CEP170: variants seen among roughly 807,000 people sequenced by gnomAD.
The protein encoded by CEP170 is centrosomal protein of 170 kDa.
Under a neutral mutation model 151.9 loss-of-function variants are expected in CEP170, and 21 were observed. The ratio of observed to expected loss-of-function variants is 0.14; its 90% CI spans 0.10 to 0.20. The LOEUF (loss-of-function observed/expected upper bound fraction) is 0.20. CEP170 is among the 10% of genes least tolerant of loss of function. The pLI is 1.00. For missense variants in CEP170, 964 were observed against 1,892.9 expected (o/e 0.51, Z 9.11); for synonymous variants, 356 against 648.8 (o/e 0.55, Z 6.86).
intron 1 of CEP170, among the ~76,000 whole-genome samples, chr1:243,239,396 T>C (rs538642923): frequency 6.6e-6 from 1 of 152,296 alleles, no homozygotes; most frequent in African/African-American, 2.4e-5. Context: ...GCAGAACTCT[T>C]TTACCTGAAT....
rs533335257 is a variant in CEP170 at position 243,200,958 on chromosome 1, C to T, written c.275-123G>A. Reference sequence around the variant, plus strand: ...TAACTACAGCAGAATTATTATATTTCCCCTGAATAGTTAAATATTAAAATA... The same window carrying T: ...TAACTACAGCAGAATTATTATATTTTCCCTGAATAGTTAAATATTAAAATA... On this transcript the variant is annotated intron_variant, in intron 4 of 19. Coordinates refer to ENST00000366542, the MANE Select transcript of CEP170 (RefSeq NM_014812.3). 16 of 945,646 alleles carry T rather than the reference C, an allele frequency of 1.7e-5. No individual in the cohort carries two copies. The South Asian group carries it at 3.1e-4, about 18-fold the overall frequency. 58.6% of individuals were successfully genotyped at this position (945,646 alleles called of 1,614,324 possible).
intron 1 of CEP170, among the ~76,000 whole-genome samples, chr1:243,236,291 G>A: frequency 6.6e-6 from 1 of 152,102 alleles, no homozygotes; most frequent in East Asian, 1.9e-4. Context: ...TATCTCCTTT[G>A]TATTTTTCTT....
chr1:243,130,322 T>C (rs2054250374), intron 17 of CEP170, among the ~76,000 whole-genome samples: 1 of 152,192 alleles, frequency 6.6e-6, no homozygotes, highest in Non-Finnish European at 1.5e-5. Flanking sequence ...TGTGCTTTTC[T>C]TTAACAATTG....
chr1:243,152,906 A>AATG (rs2057241558), intron 14 of CEP170, among the ~76,000 whole-genome samples: 1 of 152,238 alleles, frequency 6.6e-6, no homozygotes, highest in African/African-American at 2.4e-5. Context: ...TGTCATAGGT[A>AATG]ATGATTCCTC....
At chr1:243,220,783 A>G (rs193016375) in intron 3 of CEP170, among the ~76,000 whole-genome samples, 1 of 152,358 alleles carries the variant, frequency 6.6e-6, no homozygotes, top group Admixed American at 6.5e-5. Flanking sequence ...TCAATACTTC[A>G]GCACTCTTTT....
chr1:243,203,252 A>G (rs1406144964), intron 4 of CEP170, among the ~76,000 whole-genome samples: 1 of 152,214 alleles, frequency 6.6e-6, no homozygotes. Context: ...AACGCATGAT[A>G]TCAGTAAGTT....
chr1:243,198,065 A>G (rs1403838793), intron 7 of CEP170, among the ~76,000 whole-genome samples: 1 of 152,100 alleles, frequency 6.6e-6, no homozygotes, highest in Non-Finnish European at 1.5e-5. Context: ...ATTAGGGTGA[A>G]AAGTAGAAAA....
chr1:243,129,140 T>C (rs1304674287), intron 18 of CEP170, among the ~76,000 whole-genome samples: 2 of 152,228 alleles, frequency 1.3e-5, no homozygotes, highest in Non-Finnish European at 2.9e-5. Context: ...CAATCTATAC[T>C]AGTAAGAAAC....
chr1:243,138,861 ATTTTC>A (rs2055453196), intron 16 of CEP170, among the ~76,000 whole-genome samples: 1 of 152,166 alleles, frequency 6.6e-6, no homozygotes, highest in Non-Finnish European at 1.5e-5. Context: ...TGATGTCTTT[ATTTTC>A]AACTTTAGGA....
At chr1:243,143,882 G>T (rs1481514442) in intron 14 of CEP170, among the ~76,000 whole-genome samples, 1 of 152,084 alleles carries the variant, frequency 6.6e-6, no homozygotes, top group Non-Finnish European at 1.5e-5. Context: ...TTAAACTTAT[G>T]CAAAATGTGA....
intron 2 of CEP170, 144 bp downstream of exon 2, chr1:243,225,031 CA>C: frequency 2.2e-6 from 1 of 446,064 alleles, no homozygotes; most frequent in Non-Finnish European, 3.9e-6. Context: ...TTCAAGGGGG[CA>C]AAAAATTAAT....
At chr1:243,179,171 G>A (rs994176982) in intron 10 of CEP170, among the ~76,000 whole-genome samples, 10 of 151,916 alleles carry the variant, frequency 6.6e-5, no homozygotes, top group African/African-American at 1.9e-4. Flanking sequence ...CATCTTTCTC[G>A]ATTTGCTCTT....
intron 1 of CEP170, among the ~76,000 whole-genome samples, chr1:243,237,462 T>A (rs1196144707): frequency 5.3e-5 from 8 of 152,234 alleles, no homozygotes; most frequent in Admixed American, 1.3e-4. Flanking sequence ...CACTATTATT[T>A]ACCTTAAGGA....
chr1:243,233,908 A>G (rs1446928660), intron 1 of CEP170, among the ~76,000 whole-genome samples: 1 of 152,084 alleles, frequency 6.6e-6, no homozygotes, highest in East Asian at 1.9e-4. Flanking sequence ...CAGTATAACA[A>G]GAGAACTACA....
chr1:243,143,971 C>A (rs1231476565), intron 14 of CEP170, among the ~76,000 whole-genome samples: 4 of 152,102 alleles, frequency 2.6e-5, no homozygotes, highest in Non-Finnish European at 2.9e-5. Context: ...AGTTTATGGA[C>A]CAACAGAACC....
At chr1:243,251,256 A>G (rs1465543017) in intron 1 of CEP170, among the ~76,000 whole-genome samples, 2 of 152,208 alleles carry the variant, frequency 1.3e-5, no homozygotes, top group Non-Finnish European at 2.9e-5. Context: ...CAGAGATATT[A>G]GTAGTGGGTG....
In CEP170 at chr1:243,186,305, T is replaced by A; in HGVS notation, c.1226A>T (p.Lys409Met). Residue 409 changes from lysine (K) to methionine (M), a missense_variant, in exon 9 of 20, where the codon AAG (lysine) becomes ATG (methionine). By Grantham distance (95) the Lys-to-Met change is moderately conservative. Transcript: ENST00000366542. ...TTCAGTAGCCTGGACCTTCTGTAGCTTTTTGTGTTCTGAATGGTGGCGTCT... is the reference window on the plus strand; with the variant it reads ...TTCAGTAGCCTGGACCTTCTGTAGCATTTTGTGTTCTGAATGGTGGCGTCT... ...HLRRHHSEHK[K>M]LQKVQATEKH... The A allele has an allele frequency of 6.2e-7, 1 of 1,613,806 alleles. No individual in the cohort carries two copies. Among genetic ancestry groups the A allele is most frequent in the Non-Finnish European group, 8.5e-7 (1 of 1,179,706 alleles).
chr1:243,239,782 A>G (rs1376414275), intron 1 of CEP170, among the ~76,000 whole-genome samples: 1 of 152,196 alleles, frequency 6.6e-6, no homozygotes, highest in East Asian at 1.9e-4. Context: ...TTCTTTGTAC[A>G]AAATATATTC....
At position 243,142,936 on chromosome 1, in the gene CEP170, T is replaced by C. The variant is rs561438949; in HGVS notation, c.3912-473A>G. On this transcript the variant is annotated intron_variant, in intron 14 of 19. Coordinates refer to ENST00000366542, the MANE Select transcript of CEP170 (RefSeq NM_014812.3). ...CAATACTGGTGATTTTTGTCATCAA[T>C]AGAGATCACATTACAGTTGCTACGG... Among the ~76,000 whole-genome samples, 105 of 152,326 alleles carry C rather than the reference T, an allele frequency of 6.9e-4. 1 individual carries two copies. Among genetic ancestry groups the C allele is most frequent in the Non-Finnish European group, 1.3e-3 (86 of 68,034 alleles).
Sources: gnomAD v4.1 joint callset for allele counts (sites outside exome capture counted in the v4.1 genomes callset) on GRCh38, gnomAD v4.1.1 for gene constraint, MANE v1.5 for transcripts, NCBI Gene and HGNC (gene_info 2026-07-23, HGNC 2026-07-21) for gene names.